Variants in EFCAB3 observed in about 807,000 individuals in gnomAD.
The protein encoded by EFCAB3 is EF-hand calcium-binding domain-containing protein 3.
A neutral mutation model predicts 42.2 loss-of-function variants in EFCAB3; 36 were observed. The observed-to-expected ratio is 0.85, with a 90% CI of 0.65 to 1.13. The LOEUF is 1.13. Among genes scored for constraint, EFCAB3 ranks in the 50% most tolerant of loss-of-function variants. The probability of loss-of-function intolerance (pLI) is 0.00; values close to 1 mark genes in which losing one functional copy is unlikely to be tolerated. For missense variants in EFCAB3, 418 were observed against 505.1 expected, an observed-to-expected ratio of 0.83 and a Z score of 1.65; for synonymous variants, 170 against 172.8, an observed-to-expected ratio of 0.98 and a Z score of 0.13.
intron 6 of EFCAB3, among the ~76,000 whole-genome samples, chr17:62,403,662 A>C (rs2070423305): frequency 6.6e-6 from 1 of 152,114 alleles, no homozygotes; most frequent in African/African-American, 2.4e-5. Flanking sequence ...CTCTCCACAG[A>C]GTCTTGCTCT....
intron 3 of EFCAB3, among the ~76,000 whole-genome samples, chr17:62,390,190 A>G (rs1300866408): frequency 6.6e-6 from 1 of 152,220 alleles, no homozygotes; most frequent in East Asian, 1.9e-4. Flanking sequence ...AGAAACAGCA[A>G]AAGTTTATAC....
Position 62,380,599 on chromosome 17 carries a change from A to G in EFCAB3, c.-32A>G. The G allele has an allele frequency of 1.0e-6, 1 of 985,432 alleles. No individual in the cohort carries two copies. Among genetic ancestry groups the G allele is most frequent in the Non-Finnish European group, 1.2e-6 (1 of 829,922 alleles). The allele number at this position is 985,432 out of a possible 1,614,324, so 61.0% of individuals were successfully genotyped here. ...TTGAAGCCCAGAAGTGGTAGGTAGCACGGCTTAAAAGTAGGTAAATATCGT... is the reference window on the plus strand; with the variant it reads ...TTGAAGCCCAGAAGTGGTAGGTAGCGCGGCTTAAAAGTAGGTAAATATCGT... On this transcript the variant is annotated 5_prime_UTR_variant, in exon 1 of 10. Transcript: ENST00000305286.
intron 8 of EFCAB3, among the ~76,000 whole-genome samples, chr17:62,408,505 CA>C (rs1345167726): frequency 6.6e-5 from 10 of 152,320 alleles, no homozygotes; most frequent in Non-Finnish European, 1.0e-4. Context: ...ATGTCCCACA[CA>C]ATCAAAACCT....
intron 9 of EFCAB3, among the ~76,000 whole-genome samples, chr17:62,415,119 C>CA (rs74374642): frequency 7.9e-5 from 10 of 125,938 alleles, no homozygotes; most frequent in African/African-American, 4.0e-4. Flanking sequence ...CAAAAAAAAA[C>CA]AAAAAAAAAC....
At chr17:62,387,964 G>A (rs1235818487) in intron 3 of EFCAB3, among the ~76,000 whole-genome samples, 1 of 152,150 alleles carries the variant, frequency 6.6e-6, no homozygotes, top group Admixed American at 6.5e-5. Flanking sequence ...CAGCACTTTG[G>A]GAGGCTGAGG....
At chr17:62,390,659 G>C (rs1254317661) in intron 3 of EFCAB3, among the ~76,000 whole-genome samples, 1 of 152,144 alleles carries the variant, frequency 6.6e-6, no homozygotes, top group Non-Finnish European at 1.5e-5. Flanking sequence ...TAACATGCAA[G>C]AGATAGTGGG....
intron 8 of EFCAB3, among the ~76,000 whole-genome samples, chr17:62,407,809 T>C (rs983474304): frequency 3.9e-5 from 6 of 152,180 alleles, no homozygotes; most frequent in African/African-American, 1.4e-4. Flanking sequence ...TCACCCCAGG[T>C]AAGGCCTCTA....
At chr17:62,412,246 C>T (rs148413081) in intron 8 of EFCAB3, among the ~76,000 whole-genome samples, 3,491 of 149,906 alleles carry the variant, frequency 0.023, 158 homozygotes, top group African/African-American at 0.08. Context: ...CATGGTGGCG[C>T]GTGTCTGTAA....
At chr17:62,396,172 G>C (rs75288155) in intron 6 of EFCAB3, among the ~76,000 whole-genome samples, 3 of 152,124 alleles carry the variant, frequency 2.0e-5, no homozygotes, top group Non-Finnish European at 4.4e-5. Context: ...TACATGTGAA[G>C]TGCTTAGCAC....
intron 2 of EFCAB3, 96 bp downstream of exon 2, chr17:62,383,149 C>G (rs1300952413): frequency 8.5e-7 from 1 of 1,175,398 alleles, no homozygotes; most frequent in Non-Finnish European, 1.2e-6. Context: ...GTTTTCCGAT[C>G]TTTACTGGGA....
Position 62,416,191 on chromosome 17 carries a change from C to T in EFCAB3, c.1179C>T (p.Asp393=), listed in dbSNP as rs745915092. The change falls in exon 10 of 10, where the codon GAC becomes GAT. Residue 393 remains aspartate, a synonymous_variant. Transcript: ENST00000305286. ...GCCAAGAATTACTTTCTCCTAAGGACTTAAGGTTATATGATGCCTATGTGA... is the reference window on the plus strand; with the variant it reads ...GCCAAGAATTACTTTCTCCTAAGGATTTAAGGTTATATGATGCCTATGTGA... ...NVCQELLSPK[D]LRLYDAYVNR... 72 of 1,613,788 alleles carry T rather than the reference C, an allele frequency of 4.5e-5. No homozygotes were observed. The highest frequency in any genetic ancestry group is 2.3e-4 in the Admixed American group (14 of 59,986).
chr17:62,407,213 G>A lies in EFCAB3; in HGVS notation c.867+1G>A. ...CCATAAAAGAGACTGGAAAACACAGGTGAGATTTAGATTATGTCACATTAG... is the reference window on the plus strand; with the variant it reads ...CCATAAAAGAGACTGGAAAACACAGATGAGATTTAGATTATGTCACATTAG... On this transcript the variant is annotated splice_donor_variant, in intron 8 of 9. Transcript: ENST00000305286. LOFTEE classifies it high-confidence loss of function. 2.9e-5 allele frequency: 45 copies of A among 1,575,796 alleles called. No homozygotes were observed. The highest frequency in any genetic ancestry group is 3.9e-5 in the Non-Finnish European group (45 of 1,165,414).
intron 6 of EFCAB3, among the ~76,000 whole-genome samples, chr17:62,396,370 T>G (rs2070348974): frequency 6.6e-6 from 1 of 151,932 alleles, no homozygotes; most frequent in African/African-American, 2.4e-5. Context: ...CTGGCCAACA[T>G]GGTGAAACCC....
At chr17:62,413,576 A>G (rs2070518209) in intron 8 of EFCAB3, among the ~76,000 whole-genome samples, 156 bp from the exon 9 acceptor site, 1 of 152,196 alleles carries the variant, frequency 6.6e-6, no homozygotes, top group South Asian at 2.1e-4. Flanking sequence ...AGGGACCCGG[A>G]AAAAAGTCTA....
chr17:62,396,656 G>A (rs2070352206), intron 6 of EFCAB3, among the ~76,000 whole-genome samples: 1 of 152,064 alleles, frequency 6.6e-6, no homozygotes, highest in Non-Finnish European at 1.5e-5. Flanking sequence ...TACTCAGGGG[G>A]CTGAGATGGG....
Position 62,413,776 on chromosome 17 carries a change from T to C in EFCAB3, c.912T>C (p.Asn304=). ...TGGACCCTGCCTCAGGTTATTCAAA[T>C]AACATCTTCACCATTGATCAAATGC... ...KSMDPASGYS[N]NIFTIDQMLK... The change falls in exon 9 of 10, where the codon AAT becomes AAC. Residue 304 remains asparagine (N), a synonymous_variant. Transcript: ENST00000305286. 1 of 1,613,692 alleles carries C rather than the reference T, an allele frequency of 6.2e-7. No homozygotes were observed. The highest frequency in any genetic ancestry group is 1.1e-5 in the South Asian group (1 of 91,000).
chr17:62,386,948 C>T (rs1316206917), intron 2 of EFCAB3, among the ~76,000 whole-genome samples: 1 of 151,292 alleles, frequency 6.6e-6, no homozygotes, highest in African/African-American at 2.5e-5. Flanking sequence ...GCCACCACAC[C>T]TGGCTAATTT....
chr17:62,373,700 T>C, intron 1 of EFCAB3: 1 of 644,884 alleles, frequency 1.6e-6, no homozygotes, highest in South Asian at 1.9e-5. Context: ...CCAATGTTTC[T>C]AGTTCTTCTA....
chr17:62,404,489 C>T (rs1243881650), intron 6 of EFCAB3, among the ~76,000 whole-genome samples: 3 of 152,056 alleles, frequency 2.0e-5, no homozygotes, highest in African/African-American at 7.2e-5. Flanking sequence ...GAGACTCTGT[C>T]TCTAAAATAA....
Sources: allele counts gnomAD v4.1 joint callset (sites outside exome capture counted in the v4.1 genomes callset), GRCh38; gene constraint gnomAD v4.1.1; transcripts MANE v1.5; gene names NCBI Gene and HGNC (gene_info 2026-07-23, HGNC 2026-07-21).